Variants in CBFA2T3 observed in about 807,000 individuals in gnomAD.
CBFA2T3 encodes CBFA2/RUNX1 partner transcriptional co-repressor 3.
A neutral mutation model predicts 58.6 loss-of-function variants in CBFA2T3; 31 were observed. The observed-to-expected ratio is 0.53, with a 90% CI of 0.40 to 0.71. The LOEUF is 0.71. CBFA2T3 is among the 30% of genes least tolerant of loss of function. The probability of loss-of-function intolerance (pLI) is 0.00; values close to 1 mark genes in which losing one functional copy is unlikely to be tolerated. For synonymous variants in CBFA2T3, 531 were observed against 421.9 expected, an observed-to-expected ratio of 1.26 and a Z score of -3.17; for missense variants, 1,076 against 963.1, an observed-to-expected ratio of 1.12 and a Z score of -1.55.
At chr16:88,916,598 CAG>C (rs1479573982) in intron 1 of CBFA2T3, among the ~76,000 whole-genome samples, 2 of 114,672 alleles carry the variant, frequency 1.7e-5, no homozygotes, top group East Asian at 3.0e-4. Context: ...GATCTGCAGA[CAG>C]AGCTTCTCTG....
intron 9 of CBFA2T3, 162 bp downstream of exon 9, chr16:88,881,129 G>A (rs762813602): frequency 1.3e-6 from 1 of 765,894 alleles, no homozygotes; most frequent in Non-Finnish European, 2.3e-6. Context: ...AGGCTTCCTG[G>A]CAGACCAGCC....
chr16:88,896,092 A>G (rs1251770215), intron 3 of CBFA2T3, among the ~76,000 whole-genome samples: 3 of 152,054 alleles, frequency 2.0e-5, no homozygotes, highest in South Asian at 4.1e-4. Flanking sequence ...GACTGGTTTT[A>G]TGGGTCGGGT....
rs554691688 is a variant in CBFA2T3, at chr16:88,916,819, C to T, written c.152-15163G>A. 1.2e-4 allele frequency among the ~76,000 whole-genome samples: 19 copies of T among 152,148 alleles called. No individual in the cohort carries two copies. In the South Asian group the frequency reaches 3.7e-3, roughly 30 times the overall value. On this transcript the variant is annotated intron_variant, in intron 1 of 11. Transcript: ENST00000268679. Reference sequence around the variant, plus strand: ...AAGGCGAGACTGCTAGGTGGAGTGGCCAACAGAGAGGAGGTCAGGCTGGCT... The same window carrying T: ...AAGGCGAGACTGCTAGGTGGAGTGGTCAACAGAGAGGAGGTCAGGCTGGCT...
intron 1 of CBFA2T3, among the ~76,000 whole-genome samples, chr16:88,929,211 T>C (rs1281270293): frequency 3.3e-5 from 5 of 152,200 alleles, no homozygotes; most frequent in African/African-American, 1.2e-4. Context: ...GGACAGCAGC[T>C]TGCAGGCAGT....
At chr16:88,946,698 G>A (rs1971912127) in intron 1 of CBFA2T3, among the ~76,000 whole-genome samples, 1 of 152,082 alleles carries the variant, frequency 6.6e-6, no homozygotes, top group African/African-American at 2.4e-5. Context: ...GGCCAGGCTG[G>A]TCTCGAACTC....
Position 88,880,780 on chromosome 16 carries a change from G to T in CBFA2T3, c.1411C>A (p.Arg471Ser). The T allele has an allele frequency of 6.3e-7, 1 of 1,583,740 alleles. No individual in the cohort carries two copies. Among genetic ancestry groups the T allele is most frequent in the East Asian group, 2.3e-5 (1 of 43,312 alleles). Residue 471 changes from arginine (R) to serine (S), a missense_variant, in exon 10 of 12, where the codon CGC becomes AGC. Physicochemically the swap from Arg to Ser is moderately radical, Grantham distance 110. Coordinates refer to ENST00000268679, the MANE Select transcript of CBFA2T3 (RefSeq NM_005187.6). ...GPEGPQLDVP[R>S]EFLPRTLTGY... ...GTGAGGGTCCTCGGCAGGAACTCGC[G>T]AGGCACGTCTGAAACAGGGGCCGGC...
intron 8 of CBFA2T3, among the ~76,000 whole-genome samples, chr16:88,881,837 A>G (rs1010168242): frequency 6.6e-6 from 1 of 152,212 alleles, no homozygotes; most frequent in Non-Finnish European, 1.5e-5. Context: ...GGCGAGGCTG[A>G]CAACAGTGCT....
intron 1 of CBFA2T3, among the ~76,000 whole-genome samples, chr16:88,948,436 G>A (rs954700646): frequency 6.6e-6 from 1 of 152,228 alleles, no homozygotes; most frequent in African/African-American, 2.4e-5. Flanking sequence ...GCCCAAGCAG[G>A]TTCTGCCTTG....
chr16:88,910,512 G>A (rs576936180), intron 1 of CBFA2T3, among the ~76,000 whole-genome samples: 1 of 152,244 alleles, frequency 6.6e-6, no homozygotes, highest in African/African-American at 2.4e-5. Context: ...ACTGAGGACC[G>A]GACACTCCCA....
chr16:88,936,240 C>T lies in CBFA2T3; in HGVS notation c.152-34584G>A, dbSNP rs1441737322. 5.3e-5 allele frequency among the ~76,000 whole-genome samples: 8 copies of T among 152,308 alleles called. No homozygotes were observed. The East Asian group carries it at 9.6e-4, about 18-fold the overall frequency. ...CTGACTGCCCCGGGCATTTCCTGGGCGTCTCCCAGGTATCTCCCATCCTGG... is the reference window on the plus strand; with the variant it reads ...CTGACTGCCCCGGGCATTTCCTGGGTGTCTCCCAGGTATCTCCCATCCTGG... On this transcript the variant is annotated intron_variant, in intron 1 of 11. Transcript: ENST00000268679.
At chr16:88,933,974 A>T (rs1971402332) in intron 1 of CBFA2T3, among the ~76,000 whole-genome samples, 1 of 152,250 alleles carries the variant, frequency 6.6e-6, no homozygotes, top group Non-Finnish European at 1.5e-5. Flanking sequence ...GTCGCTTAAA[A>T]ATCAGTGCAT....
At chr16:88,975,199 G>GCCCGCCC (rs1972809212) in intron 1 of CBFA2T3, among the ~76,000 whole-genome samples, 10 of 110,056 alleles carry the variant, frequency 9.1e-5, no homozygotes, top group Non-Finnish European at 7.4e-5. Flanking sequence ...CATGTCAGAG[G>GCCCGCCC]TCCACCCTGA....
intron 2 of CBFA2T3, 86 bp from the exon 3 acceptor site, chr16:88,898,238 C>T (rs1284158995): frequency 9.7e-7 from 1 of 1,027,714 alleles, no homozygotes; most frequent in South Asian, 1.3e-5. Flanking sequence ...CCACCTTTTC[C>T]TACTTCTCAG....
At chr16:88,914,351 G>A (rs1035018740) in intron 1 of CBFA2T3, among the ~76,000 whole-genome samples, 2 of 152,222 alleles carry the variant, frequency 1.3e-5, no homozygotes, top group African/African-American at 2.4e-5. Flanking sequence ...CCGTGTGCAC[G>A]TGATGCTTTG....
intron 3 of CBFA2T3, among the ~76,000 whole-genome samples, chr16:88,893,948 AG>A (rs1969757153): frequency 6.6e-6 from 1 of 151,812 alleles, no homozygotes; most frequent in Admixed American, 6.6e-5. Context: ...CCTTGCTGAC[AG>A]GGGAGGGGGA....
intron 1 of CBFA2T3, among the ~76,000 whole-genome samples, chr16:88,959,535 C>T (rs936147976): frequency 6.6e-6 from 1 of 152,148 alleles, no homozygotes; most frequent in Non-Finnish European, 1.5e-5. Flanking sequence ...GGTCATACCA[C>T]CTGTAAAAGC....
intron 1 of CBFA2T3, among the ~76,000 whole-genome samples, chr16:88,904,601 G>A (rs1970231731): frequency 1.3e-5 from 2 of 152,280 alleles, no homozygotes; most frequent in Admixed American, 1.3e-4. Flanking sequence ...GCAGGGGCAG[G>A]AGGCCCCGTG....
rs113593384 is a variant in CBFA2T3, at chr16:88,976,863, C to T, written c.-56G>A. The T allele has an allele frequency of 0.025, 37,904 of 1,504,590 alleles. 595 individuals are homozygous for T. The highest frequency in any genetic ancestry group is 0.031 in the Non-Finnish European group (34,090 of 1,115,496). 93.2% of individuals were successfully genotyped at this position (1,504,590 alleles called of 1,614,324 possible). A position where few individuals can be genotyped will look rare whatever the true frequency, so the allele number is the denominator to read the frequency against. Reference sequence around the variant, plus strand: ...AGCCCAGGACAGGCCTCTACCAGGACTGCCTTTCCCGACCTCCTGCAGCCT... The same window carrying T: ...AGCCCAGGACAGGCCTCTACCAGGATTGCCTTTCCCGACCTCCTGCAGCCT... On this transcript the variant is annotated 5_prime_UTR_variant, in exon 1 of 12. Coordinates refer to ENST00000268679, the MANE Select transcript of CBFA2T3 (RefSeq NM_005187.6).
intron 1 of CBFA2T3, among the ~76,000 whole-genome samples, chr16:88,919,592 C>T (rs1049778617): frequency 2.6e-5 from 4 of 152,212 alleles, no homozygotes; most frequent in Non-Finnish European, 4.4e-5. Context: ...ACCCACTCCT[C>T]GAATTCTCCA....
Sources: allele counts gnomAD v4.1 joint callset (sites outside exome capture counted in the v4.1 genomes callset), GRCh38; gene constraint gnomAD v4.1.1; transcripts MANE v1.5; gene names NCBI Gene and HGNC (gene_info 2026-07-23, HGNC 2026-07-21).